ZNF99: variants seen among roughly 807,000 people sequenced by gnomAD.
The protein encoded by ZNF99 is zinc finger protein ENSP00000375192.
ZNF99 carries 8 observed loss-of-function variants against 12.8 expected under a neutral mutation model. That is an observed-to-expected ratio of 0.62 (90% confidence interval 0.37 to 1.13). ZNF99 has a LOEUF of 1.13. Ranked by LOEUF, ZNF99 falls within the 50% of genes most tolerant of loss-of-function variation. The pLI is 0.02. For missense variants in ZNF99, 1,007 were observed against 1,006.2 expected, an observed-to-expected ratio of 1.00 and a Z score of -0.01; for synonymous variants, 318 against 319.0, an observed-to-expected ratio of 1.00 and a Z score of 0.03.
rs1973240074 is a variant in ZNF99 at position 22,769,334 on chromosome 19, ACAACAAAGATACATATAGATTTCC to A, written c.4-34_4-11del. 1.2e-6 allele frequency: 2 copies of A among 1,600,952 alleles called. No individual in the cohort carries two copies. ...AAAATGTCAACGATCCCTGAAAAAC[ACAACAAAGATACATATAGATTTCC>A]CAATTGGCCATGGACAGAATTTTTA... On this transcript the variant is annotated splice_polypyrimidine_tract_variant and intron_variant, in intron 1 of 3. Coordinates refer to ENST00000596209, the MANE Select transcript of ZNF99 (RefSeq NM_001080409.3).
intron 1 of ZNF99, among the ~76,000 whole-genome samples, chr19:22,779,770 C>G (rs1312457009): frequency 3.3e-5 from 5 of 152,110 alleles, no homozygotes; most frequent in Admixed American, 6.6e-5. Context: ...CCCCTCCGAC[C>G]TCCTCTCTAA....
Position 22,756,239 on chromosome 19 carries a change from T to G in ZNF99, c.*1075A>C. On this transcript the variant is annotated 3_prime_UTR_variant, in exon 4 of 4. Coordinates refer to ENST00000596209, the MANE Select transcript of ZNF99 (RefSeq NM_001080409.3). ...CTCCCCAGTATGAATTATCTTATGT[T>G]TAGTAAGGGCTGAAAGATGGTTAAA... is the stretch of plus-strand genomic sequence containing the variant. The G allele has an allele frequency of 1.3e-6, 2 of 1,572,400 alleles. No homozygotes were observed. The highest frequency in any genetic ancestry group is 1.7e-6 in the Non-Finnish European group (2 of 1,158,676).
In ZNF99 at chr19:22,757,438, T is replaced by G. The variant is rs1382699911; in HGVS notation, c.2471A>C (p.Lys824Thr). 3.7e-6 allele frequency: 6 copies of G among 1,610,536 alleles called. No individual in the cohort carries two copies. The highest frequency in any genetic ancestry group is 3.3e-5 in the Admixed American group (2 of 59,902). Residue 824 changes from lysine (K) to threonine (T), a missense_variant, in exon 4 of 4, where the codon AAA (lysine) becomes ACA (threonine). Coordinates refer to ENST00000596209, the MANE Select transcript of ZNF99 (RefSeq NM_001080409.3). ...EKSYKCEECG[K>T]AFQWSSKLTL... ...AAGTTTTGAGGACCACTGAAAAGCT[T>G]TACCACATTCTTCACATTTGTAGGA...
chr19:22,759,892 T>A (rs1410109746), intron 3 of ZNF99, among the ~76,000 whole-genome samples: 1 of 152,188 alleles, frequency 6.6e-6, no homozygotes, highest in Non-Finnish European at 1.5e-5. Flanking sequence ...GTTAAGTGTG[T>A]AGAGTGCCCC....
Position 22,783,948 on chromosome 19 carries a change from A to C in ZNF99, c.3+66T>G, listed in dbSNP as rs962057387. On this transcript the variant is annotated intron_variant, in intron 1 of 3. Transcript: ENST00000596209. Reference sequence around the variant, plus strand: ...TGAGGGGAGGCCTGAGTCCCGCCACAGCCACTTTCCACCGGTTCCAGTCAG... The same window carrying C: ...TGAGGGGAGGCCTGAGTCCCGCCACCGCCACTTTCCACCGGTTCCAGTCAG... 51 of 1,609,478 alleles carry C rather than the reference A, an allele frequency of 3.2e-5. No homozygotes were observed. In the Admixed American group the frequency reaches 4.5e-4, roughly 14 times the overall value.
chr19:22,769,405 GA>G, intron 1 of ZNF99, 81 bp from the exon 2 acceptor site: 1 of 1,443,912 alleles, frequency 6.9e-7, no homozygotes, highest in Non-Finnish European at 9.4e-7. Context: ...GGTGAAATGA[GA>G]GAGTAAAGAG....
At position 22,759,591 on chromosome 19, in the gene ZNF99, A is replaced by C. The variant is rs766877148; in HGVS notation, c.318T>G (p.Cys106Trp). ...TTCTTAATCGTAAATTCTTATGTCC[A>C]CATCTTGCATATGTTCTCAATATTA... ...QEIILRTYAR[C>W]GHKNLRLRKD... The change falls in exon 4 of 4, where the codon TGT (cysteine) becomes TGG (tryptophan). Residue 106 changes from cysteine (C) to tryptophan (W), a missense_variant. Transcript: ENST00000596209. The C allele has an allele frequency of 2.5e-6, 4 of 1,611,140 alleles. No individual in the cohort carries two copies. In the Admixed American group the frequency reaches 6.7e-5, roughly 27 times the overall value.
At position 22,755,561 on chromosome 19, in the gene ZNF99, T is replaced by A; in HGVS notation, c.*1753A>T. The A allele has an allele frequency of 3.3e-6, 1 of 299,458 alleles. No homozygotes were observed. The highest frequency in any genetic ancestry group is 3.6e-5 in the South Asian group (1 of 27,636). The allele number at this position is 299,458 out of a possible 1,614,324, so 18.6% of individuals were successfully genotyped here. A position where few individuals can be genotyped will look rare whatever the true frequency, so the allele number is the denominator to read the frequency against. On this transcript the variant is annotated 3_prime_UTR_variant, in exon 4 of 4. Transcript: ENST00000596209. ...AAGTATCTCTCCAGTATGAATTATC[T>A]TATGTTCAGTAAGTTTTGAGAAGCA...
chr19:22,752,541 T>G lies in ZNF99; in HGVS notation c.*4773A>C, dbSNP rs2030666127. 6.6e-6 allele frequency: 1 copy of G among 152,014 alleles called. No individual in the cohort carries two copies. The highest frequency in any genetic ancestry group is 6.6e-5 in the Admixed American group (1 of 15,254). The allele number at this position is 152,014 out of a possible 1,614,324, so 9.4% of individuals were successfully genotyped here. On this transcript the variant is annotated 3_prime_UTR_variant, in exon 4 of 4. Transcript: ENST00000596209. The stretch of plus-strand genomic sequence containing the variant: ...ATGTAACCTACGAGAACAATATTCT[T>G]TAATTTATTTGCAGGTTAAAGCCAC...
Position 22,753,826 on chromosome 19 carries a change from G to T in ZNF99, c.*3488C>A, listed in dbSNP as rs989795836. 3 of 283,434 alleles carry T rather than the reference G, an allele frequency of 1.1e-5. No homozygotes were observed. The highest frequency in any genetic ancestry group is 6.7e-5 in the African/African-American group (3 of 44,882). The allele number at this position is 283,434 out of a possible 1,614,324, so 17.6% of individuals were successfully genotyped here. A position where few individuals can be genotyped will look rare whatever the true frequency, so the allele number is the denominator to read the frequency against. On this transcript the variant is annotated 3_prime_UTR_variant, in exon 4 of 4. Transcript: ENST00000596209. Reference sequence around the variant, plus strand: ...TATAAATGCTTTCCTATGCGATAAGGTGTGAGTATTGGTTAAATATTTTGC... The same window carrying T: ...TATAAATGCTTTCCTATGCGATAAGTTGTGAGTATTGGTTAAATATTTTGC...
rs1568381211 is a variant in ZNF99 at position 22,755,450 on chromosome 19, A to C, written c.*1864T>G. On this transcript the variant is annotated 3_prime_UTR_variant, in exon 4 of 4. Coordinates refer to ENST00000596209, the MANE Select transcript of ZNF99 (RefSeq NM_001080409.3). ...TTAAAAGTTTTGCCACACTCTTCAC[A>C]TGAGGCGGGTTTCTCTCTAATTTAT... is the stretch of plus-strand genomic sequence containing the variant. 3.4e-6 allele frequency: 1 copy of C among 292,124 alleles called. No homozygotes were observed. The highest frequency in any genetic ancestry group is 4.2e-5 in the Admixed American group (1 of 23,772). The allele number at this position is 292,124 out of a possible 1,614,324, so 18.1% of individuals were successfully genotyped here.
chr19:22,758,234 G>C lies in ZNF99; in HGVS notation c.1675C>G (p.His559Asp). The C allele has an allele frequency of 6.3e-7, 1 of 1,599,876 alleles. No homozygotes were observed. Among genetic ancestry groups the C allele is most frequent in the South Asian group, 1.1e-5 (1 of 90,264 alleles). The part of the protein sequence containing the change: ...SSTLMKHKII[H>D]TGKKPYKCEE... ...CATTTGTATGGTTTCTTCCCAGTATGAATTATCTTATGTTTCATAAGGGTT... is the reference window on the plus strand; with the variant it reads ...CATTTGTATGGTTTCTTCCCAGTATCAATTATCTTATGTTTCATAAGGGTT... The change falls in exon 4 of 4, where the codon CAT becomes GAT. Residue 559 changes from histidine (H) to aspartate (D), a missense_variant. Transcript: ENST00000596209.
chr19:22,760,010 AT>A (rs1973133145), intron 3 of ZNF99, among the ~76,000 whole-genome samples: 1 of 152,148 alleles, frequency 6.6e-6, no homozygotes, highest in Non-Finnish European at 1.5e-5. Context: ...TTAGAAGTAA[AT>A]TGCTGGCTGG....
intron 3 of ZNF99, among the ~76,000 whole-genome samples, chr19:22,766,282 T>TAA (rs35026292): frequency 0.1 from 13,096 of 131,044 alleles, 1,413 homozygotes; most frequent in African/African-American, 0.28. Context: ...ACAAAATATG[T>TAA]AAAAAAAAAA....
At chr19:22,762,504 C>T (rs1277633475) in intron 3 of ZNF99, among the ~76,000 whole-genome samples, 3 of 147,532 alleles carry the variant, frequency 2.0e-5, no homozygotes. Flanking sequence ...TTAAAAATTA[C>T]CAAGAAAAAA....
chr19:22,778,345 C>T (rs1192526482), intron 1 of ZNF99, among the ~76,000 whole-genome samples: 1 of 152,056 alleles, frequency 6.6e-6, no homozygotes, highest in East Asian at 1.9e-4. Context: ...TGATATCTCT[C>T]AGCTGGAACC....
intron 1 of ZNF99, among the ~76,000 whole-genome samples, chr19:22,782,569 T>G (rs1053163284): frequency 4.6e-5 from 7 of 150,966 alleles, no homozygotes; most frequent in Admixed American, 4.0e-4. Context: ...TCCATGTTGG[T>G]CAGGCTGGTC....
intron 2 of ZNF99, 55 bp downstream of exon 2, chr19:22,769,143 G>A: frequency 6.5e-7 from 1 of 1,544,018 alleles, no homozygotes; most frequent in Middle Eastern, 1.8e-4. Flanking sequence ...CTACAGAAAA[G>A]AGAAATGAAA....
chr19:22,779,384 C>A (rs567393819), intron 1 of ZNF99, among the ~76,000 whole-genome samples: 5 of 152,100 alleles, frequency 3.3e-5, no homozygotes, highest in South Asian at 4.2e-4. Flanking sequence ...ATTAGCCAGG[C>A]ATGATGGCAG....
Sources: gnomAD v4.1 joint callset for allele counts (sites outside exome capture counted in the v4.1 genomes callset) on GRCh38, gnomAD v4.1.1 for gene constraint, MANE v1.5 for transcripts, NCBI Gene and HGNC (gene_info 2026-07-23, HGNC 2026-07-21) for gene names.